Variants in STPG4 observed in about 807,000 individuals in gnomAD.
STPG4 encodes sperm-tail PG-rich repeat containing 4, also known as protein STPG4.
In STPG4, 41 loss-of-function variants were observed where a neutral mutation model predicts 31.5. The observed-to-expected ratio is 1.30, with a 90% CI of 1.01 to 1.69. The LOEUF (loss-of-function observed/expected upper bound fraction) is 1.69. Ranked by LOEUF, STPG4 falls within the 40% of genes most tolerant of loss-of-function variation. STPG4 has a pLI of 0.00. For missense variants in STPG4, 375 were observed against 293.4 expected (o/e 1.28, Z -2.03); for synonymous variants, 141 against 103.0 (o/e 1.37, Z -2.24).
chr2:47,129,809 T>G (rs1440742907), intron 5 of STPG4, 132 bp downstream of exon 5: 7 of 1,118,170 alleles, frequency 6.3e-6, no homozygotes, highest in Non-Finnish European at 8.8e-6. Context: ...GATAATTGTG[T>G]GGATAATGGT....
chr2:47,139,302 T>C (rs1049821200), intron 3 of STPG4, among the ~76,000 whole-genome samples: 5 of 152,236 alleles, frequency 3.3e-5, no homozygotes, highest in African/African-American at 9.6e-5. Context: ...TTATATCTTC[T>C]TGTAGAGTTG....
chr2:47,107,962 C>T (rs907392601), intron 5 of STPG4, among the ~76,000 whole-genome samples: 2 of 148,672 alleles, frequency 1.3e-5, no homozygotes, highest in Non-Finnish European at 3.0e-5. Flanking sequence ...ATACACCAAT[C>T]GGCACTCTGT....
chr2:47,140,942 G>A (rs1350964507), intron 3 of STPG4, among the ~76,000 whole-genome samples: 8 of 151,450 alleles, frequency 5.3e-5, no homozygotes, highest in Admixed American at 4.6e-4. Flanking sequence ...TCGGGGAGGC[G>A]GTGGTGTGAT....
intron 5 of STPG4, among the ~76,000 whole-genome samples, chr2:47,097,283 TGCTAA>T (rs1685692615): frequency 1.3e-5 from 2 of 152,196 alleles, no homozygotes; most frequent in Admixed American, 1.3e-4. Context: ...AACTTGAATT[TGCTAA>T]ACTTACTTTA....
chr2:47,124,082 T>C (rs1277965493), intron 5 of STPG4, among the ~76,000 whole-genome samples: 1 of 152,038 alleles, frequency 6.6e-6, no homozygotes, highest in East Asian at 1.9e-4. Flanking sequence ...TCCCAGGTTC[T>C]AGCAATTCTC....
chr2:47,110,432 A>C (rs1466856189), intron 5 of STPG4, among the ~76,000 whole-genome samples: 1 of 152,210 alleles, frequency 6.6e-6, no homozygotes, highest in Non-Finnish European at 1.5e-5. Context: ...CATCTCCACT[A>C]AACATGCAAA....
chr2:47,096,328 T>G (rs1685668236), intron 5 of STPG4, among the ~76,000 whole-genome samples: 1 of 152,108 alleles, frequency 6.6e-6, no homozygotes, highest in Admixed American at 6.5e-5. Context: ...AGGAAGTACA[T>G]TTGAGGCTGG....
At chr2:47,101,456 C>T (rs746040423) in intron 5 of STPG4, among the ~76,000 whole-genome samples, 3 of 151,792 alleles carry the variant, frequency 2.0e-5, no homozygotes, top group Non-Finnish European at 2.9e-5. Flanking sequence ...TATCCTGACC[C>T]TTGCCCCCTG....
intron 3 of STPG4, among the ~76,000 whole-genome samples, chr2:47,138,708 C>A (rs976374262): frequency 2.0e-5 from 3 of 152,306 alleles, no homozygotes; most frequent in East Asian, 3.9e-4. Flanking sequence ...TGCCACCACA[C>A]CCAGCTAATT....
At chr2:47,116,204 G>A (rs72808579) in intron 5 of STPG4, among the ~76,000 whole-genome samples, 13,571 of 152,268 alleles carry the variant, frequency 0.089, 820 homozygotes, top group Non-Finnish European at 0.12. Context: ...TTCAGGCATT[G>A]TCAACGTGAT....
intron 5 of STPG4, among the ~76,000 whole-genome samples, chr2:47,102,035 G>C (rs532182928): frequency 1.3e-5 from 2 of 151,874 alleles, no homozygotes; most frequent in Non-Finnish European, 2.9e-5. Flanking sequence ...AGAATGCGTA[G>C]GTAAGGACCA....
At chr2:47,153,386 G>A (rs1481206550) in intron 1 of STPG4, among the ~76,000 whole-genome samples, 1 of 152,172 alleles carries the variant, frequency 6.6e-6, no homozygotes, top group African/African-American at 2.4e-5. Flanking sequence ...TAGGTGCACT[G>A]GGTGAGTTAC....
intron 5 of STPG4, among the ~76,000 whole-genome samples, chr2:47,101,885 G>A (rs980588514): frequency 5.3e-5 from 8 of 151,736 alleles, no homozygotes; most frequent in Non-Finnish European, 8.8e-5. Flanking sequence ...TAGGAAAGGG[G>A]TAAAGTCCCA....
intron 5 of STPG4, among the ~76,000 whole-genome samples, chr2:47,094,956 C>T (rs1685640532): frequency 6.6e-6 from 1 of 152,210 alleles, no homozygotes; most frequent in African/African-American, 2.4e-5. Flanking sequence ...ACTGGTTAAT[C>T]TGTATCATCA....
intron 5 of STPG4, among the ~76,000 whole-genome samples, chr2:47,103,315 C>T (rs1169192922): frequency 6.6e-6 from 1 of 151,898 alleles, no homozygotes; most frequent in African/African-American, 2.4e-5. Flanking sequence ...CCCTGTCACC[C>T]AAATCACTCG....
Position 47,090,253 on chromosome 2 carries a change from T to C in STPG4, c.624+17A>G, listed in dbSNP as rs558450503. On this transcript the variant is annotated intron_variant, in intron 6 of 6. Coordinates refer to ENST00000445927, the MANE Select transcript of STPG4 (RefSeq NM_001163561.2). ...ACCCCTAGGGGTGGGGGGCGATCTG[T>C]CTTTCCGAATACTTACTGAACAGCT... is the stretch of plus-strand genomic sequence containing the variant. 47 of 1,530,692 alleles carry C rather than the reference T, an allele frequency of 3.1e-5. No homozygotes were observed. The African/African-American group carries it at 4.8e-4, about 16-fold the overall frequency. 94.8% of individuals were successfully genotyped at this position (1,530,692 alleles called of 1,614,324 possible). A position where few individuals can be genotyped will look rare whatever the true frequency, so the allele number is the denominator to read the frequency against.
chr2:47,094,745 C>T (rs1461327346), intron 5 of STPG4, among the ~76,000 whole-genome samples: 3 of 152,140 alleles, frequency 2.0e-5, no homozygotes, highest in Non-Finnish European at 4.4e-5. Context: ...TACGGGATGT[C>T]GCCAAGGCCA....
At chr2:47,089,210 A>T (rs1685518919) in intron 6 of STPG4, among the ~76,000 whole-genome samples, 1 of 152,202 alleles carries the variant, frequency 6.6e-6, no homozygotes, top group African/African-American at 2.4e-5. Context: ...GTGGGCTCCG[A>T]CAAACATGTT....
chr2:47,135,577 G>C (rs886930920), intron 3 of STPG4, among the ~76,000 whole-genome samples: 2 of 151,962 alleles, frequency 1.3e-5, no homozygotes, highest in African/African-American at 4.8e-5. Context: ...AGTAGAGATG[G>C]GGTTTCACTA....
Sources: allele counts gnomAD v4.1 joint callset (sites outside exome capture counted in the v4.1 genomes callset), GRCh38; gene constraint gnomAD v4.1.1; transcripts MANE v1.5; gene names NCBI Gene and HGNC (gene_info 2026-07-23, HGNC 2026-07-21).